The following TK2 variants were observed in gnomAD, a reference collection of about 807,000 sequenced individuals.
TK2 encodes thymidine kinase 2, mitochondrial.
Under a neutral mutation model 41.9 loss-of-function variants are expected in TK2, and 35 were observed. That is an observed-to-expected ratio of 0.84 (90% CI 0.64 to 1.11). The LOEUF (loss-of-function observed/expected upper bound fraction) is 1.11, where lower values mean the gene tolerates loss of function less well. TK2 is among the 50% of genes least tolerant of loss of function. TK2 has a pLI of 0.00. For synonymous variants in TK2, 128 were observed against 129.1 expected, an observed-to-expected ratio of 0.99 and a Z score of 0.06; for missense variants, 320 against 351.1, an observed-to-expected ratio of 0.91 and a Z score of 0.71.
intron 6 of TK2, among the ~76,000 whole-genome samples, chr16:66,521,956 C>T (rs534184349): frequency 3.3e-5 from 5 of 152,278 alleles, no homozygotes; most frequent in African/African-American, 9.6e-5. Context: ...CCAGTCTGTG[C>T]GGAATGGAAT....
chr16:66,548,147 T>G, intron 2 of TK2: 1 of 397,352 alleles, frequency 2.5e-6, no homozygotes, highest in Non-Finnish European at 5.2e-6. Context: ...TGGCACCCGC[T>G]GGCATATCCT....
In TK2 at chr16:66,517,844, CA is replaced by C; in HGVS notation, c.482del (p.Leu161ArgfsTer9). 6.2e-7 allele frequency: 1 copy of C among 1,614,172 alleles called. No homozygotes were observed. The highest frequency in any genetic ancestry group is 1.1e-5 in the South Asian group (1 of 91,088). ...TCAAGATCCAGTCAAACCATTCCGA[CA>C]GAACTACATAGTCCACTTCTGGCAT... ...GKMPEVDYVVLSEWFDWILRN... is the reference protein window; with the variant it reads ...GKMPEVDYVVXSEWFDWILRN... On this transcript the variant is annotated frameshift_variant, in exon 7 of 10. Transcript: ENST00000544898. LOFTEE classifies it high-confidence loss of function. This position sits in a 1 kb window ranked among gnomAD's most constrained non-coding sequence, Gnocchi z 4.3.
At chr16:66,542,884 T>G in intron 2 of TK2, among the ~76,000 whole-genome samples, 1 of 152,142 alleles carries the variant, frequency 6.6e-6, no homozygotes, top group East Asian at 1.9e-4. Flanking sequence ...AACTTTTTTT[T>G]TCTTTGAGAC....
chr16:66,528,795 AC>A (rs1426074800), intron 6 of TK2, among the ~76,000 whole-genome samples, 198 bp downstream of exon 6: 2 of 152,090 alleles, frequency 1.3e-5, no homozygotes, highest in Non-Finnish European at 2.9e-5. Context: ...CCTGGTGACC[AC>A]CCTGGCTGAC....
chr16:66,549,963 C>A lies in TK2; in HGVS notation c.99G>T (p.Arg33Ser). 6.9e-7 allele frequency: 1 copy of A among 1,454,314 alleles called. No homozygotes were observed. Among genetic ancestry groups the A allele is most frequent in the South Asian group, 1.4e-5 (1 of 70,062 alleles). 90.1% of individuals were successfully genotyped at this position (1,454,314 alleles called of 1,614,324 possible). The change falls in exon 1 of 10, where the codon AGG (arginine) becomes AGT (serine). Residue 33 changes from arginine (R) to serine (S), a missense_variant. Arg to Ser is a moderately radical substitution (Grantham distance 110). Coordinates refer to ENST00000544898, the MANE Select transcript of TK2 (RefSeq NM_004614.5). ...GSPASGPGPR[R>S]VQRRAWPPDK... ...CGGGAGGCCAGGCCCGGCGCTGCAC[C>A]CTCCGCGGCCCGGGGCCTGAGGCCG...
rs376244741 is a variant in TK2, at chr16:66,541,835, T to A, written c.231+44A>T. On this transcript the variant is annotated intron_variant, in intron 3 of 9. Transcript: ENST00000544898. Reference sequence around the variant, plus strand: ...TCCACACCCTCTATAAATTATCCCATCAAGCTTTCTCCGCTTCCTTCAAAC... The same window carrying A: ...TCCACACCCTCTATAAATTATCCCAACAAGCTTTCTCCGCTTCCTTCAAAC... The A allele has an allele frequency of 8.7e-6, 14 of 1,602,318 alleles. No individual in the cohort carries two copies. In the African/African-American group the frequency reaches 1.6e-4, roughly 18 times the overall value.
At chr16:66,543,335 A>C (rs925691458) in intron 2 of TK2, among the ~76,000 whole-genome samples, 1 of 152,236 alleles carries the variant, frequency 6.6e-6, no homozygotes, top group African/African-American at 2.4e-5. Context: ...GGTAGCATCC[A>C]GACCCTAAAT....
chr16:66,547,925 C>T (rs1213430811), intron 2 of TK2: 1 of 1,284,898 alleles, frequency 7.8e-7, no homozygotes, highest in Admixed American at 2.3e-5. Context: ...CAGCTCACAT[C>T]AATGCTAGCT....
In TK2 at chr16:66,538,361, C is replaced by G. The variant is rs2144442332; in HGVS notation, c.232-1344G>C. ...AAATCCAGTTCAAATATGCCCTTCC[C>G]CTGCCCCTCTCAAACCCCCTCTCCT... On this transcript the variant is annotated intron_variant, in intron 3 of 9. Coordinates refer to ENST00000544898, the MANE Select transcript of TK2 (RefSeq NM_004614.5). Among the ~76,000 whole-genome samples the G allele has an allele frequency of 1.3e-5, 2 of 152,200 alleles. 1 individual carries two copies. Among genetic ancestry groups the G allele is most frequent in the East Asian group, 3.9e-4 (2 of 5,172 alleles).
chr16:66,541,730 A>T (rs1597105942), intron 3 of TK2, 149 bp downstream of exon 3: 1 of 801,770 alleles, frequency 1.2e-6, no homozygotes. Flanking sequence ...TTGTTTTTTT[A>T]ATGAGGATAT....
At chr16:66,538,729 G>C (rs959476289) in intron 3 of TK2, among the ~76,000 whole-genome samples, 10 of 152,348 alleles carry the variant, frequency 6.6e-5, no homozygotes, top group African/African-American at 2.4e-4. Flanking sequence ...GGGATCCTCT[G>C]TCAGGAAGCA....
Position 66,517,361 on chromosome 16 carries a change from G to T in TK2, c.539-146C>A. The T allele has an allele frequency of 1.3e-6, 1 of 773,858 alleles. No individual in the cohort carries two copies. The highest frequency in any genetic ancestry group is 1.4e-5 in the South Asian group (1 of 73,134). The allele number at this position is 773,858 out of a possible 1,614,324, so 47.9% of individuals were successfully genotyped here. On this transcript the variant is annotated intron_variant, in intron 7 of 9. Coordinates refer to ENST00000544898, the MANE Select transcript of TK2 (RefSeq NM_004614.5). The surrounding 1 kb of genome is among the most constrained non-coding windows in gnomAD (Gnocchi z 4.3). ...CTCTTGGCTTGACCACTGACCCTCC[G>T]CCTCGACTTTCATTCTCTTTCAGTG...
chr16:66,536,896 C>T, intron 4 of TK2, 68 bp downstream of exon 4: 1 of 1,587,558 alleles, frequency 6.3e-7, no homozygotes, highest in Non-Finnish European at 8.7e-7. Flanking sequence ...AGGGCTCAGG[C>T]AGAGGCACCA....
At chr16:66,534,204 C>T (rs1044306752) in intron 4 of TK2, among the ~76,000 whole-genome samples, 1 of 152,102 alleles carries the variant, frequency 6.6e-6, no homozygotes, top group Non-Finnish European at 1.5e-5. Context: ...GAAGAGTCCC[C>T]ACTAGCAAGA....
chr16:66,530,649 T>C (rs1225031811), intron 5 of TK2, among the ~76,000 whole-genome samples: 1 of 151,988 alleles, frequency 6.6e-6, no homozygotes, highest in East Asian at 1.9e-4. Flanking sequence ...AAAACACAGA[T>C]TGCTGGGCCT....
chr16:66,548,061 C>A (rs1486677795), intron 2 of TK2: 27 of 740,518 alleles, frequency 3.6e-5, no homozygotes, highest in Non-Finnish European at 5.5e-5. Flanking sequence ...AGCAAGACGC[C>A]GTCTCTTAAA....
At chr16:66,524,696 A>G (rs926618868) in intron 6 of TK2, among the ~76,000 whole-genome samples, 1 of 152,158 alleles carries the variant, frequency 6.6e-6, no homozygotes, top group Non-Finnish European at 1.5e-5. Context: ...CAGTAGGAGT[A>G]TGGTCCCACC....
intron 1 of TK2, 41 bp from the exon 2 acceptor site, chr16:66,549,050 A>G (rs537979049): frequency 1.2e-6 from 2 of 1,612,362 alleles, no homozygotes; most frequent in East Asian, 2.2e-5. Context: ...TCACTTTTAA[A>G]TAACTCTCCT....
At chr16:66,519,096 G>A (rs1283681770) in intron 6 of TK2, among the ~76,000 whole-genome samples, 3 of 151,844 alleles carry the variant, frequency 2.0e-5, no homozygotes, top group African/African-American at 7.3e-5. Flanking sequence ...CGAGTAGCTG[G>A]GACTACAGGC....
Sources: gnomAD v4.1 joint callset for allele counts (sites outside exome capture counted in the v4.1 genomes callset) on GRCh38, gnomAD v4.1.1 for gene constraint, Gnocchi (gnomAD v3.1) non-coding constraint, MANE v1.5 for transcripts, NCBI Gene and HGNC (gene_info 2026-07-23, HGNC 2026-07-21) for gene names.